PCDH10: variants seen among roughly 807,000 people sequenced by gnomAD.
PCDH10 encodes protocadherin-10.
Under a neutral mutation model 74.4 loss-of-function variants are expected in PCDH10, and 15 were observed. The ratio of observed to expected loss-of-function variants is 0.20; its 90% CI spans 0.13 to 0.31. The LOEUF (loss-of-function observed/expected upper bound fraction) is 0.31. Among genes scored for constraint, PCDH10 ranks in the 10% least tolerant of loss-of-function variants. PCDH10 has a pLI of 1.00. For synonymous variants in PCDH10, 619 were observed against 589.8 expected (o/e 1.05, Z -0.72); for missense variants, 1,260 against 1,390.2 (o/e 0.91, Z 1.49).
intron 4 of PCDH10, 42 bp from the exon 5 acceptor site, chr4:133,190,099 T>C: frequency 6.4e-7 from 1 of 1,555,696 alleles, no homozygotes. Flanking sequence ...ACTCCAAAAG[T>C]CAACCTCTTT....
At chr4:133,188,316 T>C (rs908141785) in intron 4 of PCDH10, among the ~76,000 whole-genome samples, 1 of 152,186 alleles carries the variant, frequency 6.6e-6, no homozygotes, top group African/African-American at 2.4e-5. Context: ...AAGGTTTCAC[T>C]ATTCTAATTT....
intron 3 of PCDH10, among the ~76,000 whole-genome samples, chr4:133,161,045 A>G (rs1166344526): frequency 6.6e-6 from 1 of 151,950 alleles, no homozygotes; most frequent in Non-Finnish European, 1.5e-5. Flanking sequence ...TTCTTTTCAC[A>G]TATCTTCTTG....
In PCDH10 at chr4:133,206,119, A is replaced by G. The variant is rs114334395; in HGVS notation, n.438-1957A>G. Among the ~76,000 whole-genome samples, 775 of 152,216 alleles carry G rather than the reference A, an allele frequency of 5.1e-3. 2 individuals are homozygous for G. The highest frequency in any genetic ancestry group is 8.4e-3 in the Non-Finnish European group (568 of 68,008). The stretch of plus-strand genomic sequence containing the variant: ...GGGAACTCCTGGTCAATATGTTTAG[A>G]CATATTTTTCTTCCTGGTCTTGTTA... On this transcript the variant is annotated intron_variant and non_coding_transcript_variant, in intron 2 of 2. Coordinates refer to the PCDH10 transcript ENST00000511112.
chr4:133,155,943 A>G (rs773599790), intron 3 of PCDH10, among the ~76,000 whole-genome samples: 1 of 152,058 alleles, frequency 6.6e-6, no homozygotes. Flanking sequence ...TACTTTTTCT[A>G]TCTAGTTTTG....
intron 2 of PCDH10, among the ~76,000 whole-genome samples, chr4:133,205,842 T>C (rs1727990252): frequency 6.6e-6 from 1 of 152,152 alleles, no homozygotes; most frequent in Admixed American, 6.5e-5. Flanking sequence ...TTTAAAGTAT[T>C]TTTAACTCTT....
intron 2 of PCDH10, among the ~76,000 whole-genome samples, chr4:133,204,910 T>C (rs1304961897): frequency 6.6e-6 from 1 of 152,070 alleles, no homozygotes; most frequent in Non-Finnish European, 1.5e-5. Context: ...CCACTTGGAG[T>C]GTGTACTTGG....
intron 4 of PCDH10, among the ~76,000 whole-genome samples, chr4:133,169,269 TG>T (rs1727153362): frequency 6.6e-6 from 1 of 151,790 alleles, no homozygotes; most frequent in African/African-American, 2.4e-5. Context: ...TTAATTCCTA[TG>T]TAGGATTTAT....
intron 4 of PCDH10, among the ~76,000 whole-genome samples, chr4:133,170,836 G>A (rs939221735): frequency 1.4e-5 from 2 of 139,198 alleles, no homozygotes; most frequent in African/African-American, 6.5e-5. Context: ...GGGACTACAG[G>A]CACACGCCAC....
intron 4 of PCDH10, among the ~76,000 whole-genome samples, chr4:133,168,403 T>C (rs939068491): frequency 1.3e-4 from 20 of 151,530 alleles, no homozygotes; most frequent in African/African-American, 4.6e-4. Flanking sequence ...AATAAATTTC[T>C]ATTCCCCCAG....
intron 4 of PCDH10, among the ~76,000 whole-genome samples, chr4:133,173,094 T>C (rs1727230948): frequency 6.6e-6 from 1 of 151,758 alleles, no homozygotes; most frequent in African/African-American, 2.4e-5. Flanking sequence ...AGTAGAAAAA[T>C]TGAGGTGTTT....
chr4:133,175,106 G>A (rs1727267534), intron 4 of PCDH10, among the ~76,000 whole-genome samples: 1 of 151,534 alleles, frequency 6.6e-6, no homozygotes, highest in African/African-American at 2.4e-5. Context: ...TTTTTTCAAG[G>A]AAACATCTAA....
intron 2 of PCDH10, among the ~76,000 whole-genome samples, chr4:133,201,781 G>A (rs1437017826): frequency 2.0e-5 from 3 of 150,824 alleles, no homozygotes; most frequent in African/African-American, 7.3e-5. Context: ...GCTTGAACCT[G>A]GGAGGCGGAG....
At chr4:133,162,531 A>G (rs537429209) in intron 3 of PCDH10, among the ~76,000 whole-genome samples, 1 of 152,086 alleles carries the variant, frequency 6.6e-6, no homozygotes, top group South Asian at 2.1e-4. Flanking sequence ...TTCTTATGTT[A>G]TTTGTTTTTA....
At chr4:133,179,185 T>C (rs1204546483) in intron 4 of PCDH10, among the ~76,000 whole-genome samples, 1 of 152,196 alleles carries the variant, frequency 6.6e-6, no homozygotes, top group Non-Finnish European at 1.5e-5. Context: ...CACTGGGCTC[T>C]GTGGGAAGGC....
At chr4:133,168,241 A>T (rs1333621126) in intron 4 of PCDH10, among the ~76,000 whole-genome samples, 1 of 151,294 alleles carries the variant, frequency 6.6e-6, no homozygotes. Flanking sequence ...TGAGGTGCAG[A>T]TATGAAACAC....
intron 2 of PCDH10, among the ~76,000 whole-genome samples, chr4:133,200,258 ATTAGTT>A (rs1435833739): frequency 6.6e-6 from 1 of 151,976 alleles, no homozygotes; most frequent in Non-Finnish European, 1.5e-5. Flanking sequence ...GTAAATTATA[ATTAGTT>A]TTAAAGTTTT....
At chr4:133,202,704 CTTATG>C (rs1299999266) in intron 2 of PCDH10, among the ~76,000 whole-genome samples, 2 of 152,072 alleles carry the variant, frequency 1.3e-5, no homozygotes, top group African/African-American at 4.8e-5. Flanking sequence ...AACTGACTGT[CTTATG>C]TTTGGCCAGT....
In PCDH10 at chr4:133,151,837, A is replaced by G; in HGVS notation, c.1697A>G (p.Asp566Gly). The change falls in exon 1 of 5, where the codon GAT (aspartate) becomes GGT (glycine). Residue 566 changes from aspartate (D) to glycine (G), a missense_variant. By Grantham distance (94) the Asp-to-Gly change is moderately conservative. This residue lies in a region of PCDH10 where 587 missense variants were observed against 616.9 expected (regional missense o/e 0.95). Coordinates refer to ENST00000264360, the MANE Select transcript of PCDH10 (RefSeq NM_032961.3). Reference protein sequence around the residue: ...GNATVNILIVDQNDNAPAIVA... With the variant: ...GNATVNILIVGQNDNAPAIVA... ...GCCACTGTCAACATCCTCATAGTGG[A>G]TCAAAATGACAACGCCCCTGCCATC... 6.2e-7 allele frequency: 1 copy of G among 1,613,086 alleles called. No homozygotes were observed. The highest frequency in any genetic ancestry group is 1.1e-5 in the South Asian group (1 of 91,086).
Position 133,151,598 on chromosome 4 carries a change from C to G in PCDH10, c.1458C>G (p.Ser486Arg), listed in dbSNP as rs748097682. 1.9e-6 allele frequency: 3 copies of G among 1,613,766 alleles called. No homozygotes were observed. Among genetic ancestry groups the G allele is most frequent in the Non-Finnish European group, 2.5e-6 (3 of 1,180,024 alleles). ...CTGGCGCCTACATCTACGCGGTGAGCGCCACCGACCGGGATGAGGGCGCCA... is the reference window on the plus strand; with the variant it reads ...CTGGCGCCTACATCTACGCGGTGAGGGCCACCGACCGGGATGAGGGCGCCA... Reference protein sequence around the residue: ...NVPGAYIYAVSATDRDEGANA... With the variant: ...NVPGAYIYAVRATDRDEGANA... Residue 486 changes from serine (S) to arginine (R), a missense_variant, in exon 1 of 5, where the codon AGC (serine) becomes AGG (arginine). Ser to Arg is a moderately radical substitution (Grantham distance 110). Transcript: ENST00000264360.
Sources: gnomAD v4.1 joint callset for allele counts (sites outside exome capture counted in the v4.1 genomes callset) on GRCh38, gnomAD v4.1.1 for gene constraint, gnomAD v4.1.1 regional missense constraint, MANE v1.5 for transcripts, NCBI Gene and HGNC (gene_info 2026-07-23, HGNC 2026-07-21) for gene names.